The following MAGI2 variants were observed in gnomAD, a reference collection of about 807,000 sequenced individuals.
MAGI2 encodes membrane associated guanylate kinase, WW and PDZ domain containing 2.
MAGI2 carries 35 observed loss-of-function variants against 133.3 expected under a neutral mutation model. That is an observed-to-expected ratio of 0.26 (90% CI 0.20 to 0.35). MAGI2 has a LOEUF of 0.35. Among genes scored for constraint, MAGI2 ranks in the 10% least tolerant of loss-of-function variants. MAGI2 has a pLI of 1.00. For missense variants in MAGI2, 1,636 were observed against 1,863.4 expected, an observed-to-expected ratio of 0.88 and a Z score of 2.25; for synonymous variants, 729 against 710.6, an observed-to-expected ratio of 1.03 and a Z score of -0.41.
chr7:79,318,409 A>C lies in MAGI2; in HGVS notation c.301+134611T>G, dbSNP rs191067162. On this transcript the variant is annotated intron_variant, in intron 1 of 21. Coordinates refer to ENST00000354212, the MANE Select transcript of MAGI2 (RefSeq NM_012301.4). ...GAAAAGGAAAGCCATAAAAAACACA[A>C]TGTAAGTTGATTGATAGATAAATGG... is the stretch of plus-strand genomic sequence containing the variant. 4.6e-3 allele frequency among the ~76,000 whole-genome samples: 699 copies of C among 152,272 alleles called. 2 individuals carry two copies. The highest frequency in any genetic ancestry group is 0.023 in the South Asian group (113 of 4,812).
chr7:78,142,436 T>G (rs1822858034), intron 16 of MAGI2, among the ~76,000 whole-genome samples: 1 of 152,108 alleles, frequency 6.6e-6, no homozygotes, highest in Non-Finnish European at 1.5e-5. Flanking sequence ...CTTTTCTCTG[T>G]GGGTGCATTT....
At chr7:78,453,090 T>A (rs1205054081) in intron 6 of MAGI2, among the ~76,000 whole-genome samples, 1 of 152,176 alleles carries the variant, frequency 6.6e-6, no homozygotes, top group Non-Finnish European at 1.5e-5. Context: ...TGAGGTTTTA[T>A]TTTTAGTTTT....
intron 1 of MAGI2, among the ~76,000 whole-genome samples, chr7:79,424,645 A>G (rs1847215253): frequency 6.6e-6 from 1 of 152,204 alleles, no homozygotes; most frequent in South Asian, 2.1e-4. Context: ...TGTATACTTC[A>G]AAACATCATA....
At chr7:79,143,115 C>T (rs1822286328) in intron 1 of MAGI2, among the ~76,000 whole-genome samples, 1 of 151,994 alleles carries the variant, frequency 6.6e-6, no homozygotes, top group African/African-American at 2.4e-5. Flanking sequence ...TATTATAATC[C>T]AGAAAAATGT....
At chr7:79,092,906 C>G (rs962732087) in intron 1 of MAGI2, among the ~76,000 whole-genome samples, 4 of 152,078 alleles carry the variant, frequency 2.6e-5, no homozygotes, top group African/African-American at 7.2e-5. Flanking sequence ...TTTTCTGTAT[C>G]AAGTGTGACC....
intron 16 of MAGI2, among the ~76,000 whole-genome samples, chr7:78,139,814 AAAG>A (rs1431573031): frequency 1.3e-5 from 2 of 152,232 alleles, no homozygotes; most frequent in African/African-American, 4.8e-5. Flanking sequence ...ATTATGGAAA[AAAG>A]AAACCCAGCT....
chr7:78,862,734 G>C (rs73143039), intron 2 of MAGI2, among the ~76,000 whole-genome samples: 9,531 of 152,228 alleles, frequency 0.063, 365 homozygotes, highest in Middle Eastern at 0.11. Flanking sequence ...TTTAGGAAAA[G>C]ATGTTTATTT....
chr7:78,091,172 T>C (rs1817170606), intron 20 of MAGI2, among the ~76,000 whole-genome samples: 1 of 152,144 alleles, frequency 6.6e-6, no homozygotes, highest in Admixed American at 6.5e-5. Context: ...ATTATTACTC[T>C]GCACCCACTG....
chr7:78,891,539 T>G (rs1394010478), intron 2 of MAGI2, among the ~76,000 whole-genome samples: 2 of 152,152 alleles, frequency 1.3e-5, no homozygotes, highest in African/African-American at 4.8e-5. Context: ...CATGATCAAG[T>G]GGGCTTTATC....
chr7:78,842,533 C>A (rs984634529), intron 2 of MAGI2, among the ~76,000 whole-genome samples: 1 of 151,732 alleles, frequency 6.6e-6, no homozygotes, highest in East Asian at 1.9e-4. Flanking sequence ...TGCTAGTAAT[C>A]CGTTTGTTTA....
chr7:78,663,386 T>C (rs369833712), intron 2 of MAGI2, among the ~76,000 whole-genome samples: 4 of 151,998 alleles, frequency 2.6e-5, no homozygotes, highest in Non-Finnish European at 5.9e-5. Context: ...TTTGTATTTT[T>C]AGTACAGATG....
At chr7:79,287,845 C>T (rs777864743) in intron 1 of MAGI2, among the ~76,000 whole-genome samples, 1 of 151,988 alleles carries the variant, frequency 6.6e-6, no homozygotes, top group African/African-American at 2.4e-5. Context: ...CTTTATCACA[C>T]TAATATTTTC....
intron 16 of MAGI2, among the ~76,000 whole-genome samples, chr7:78,156,299 G>A (rs1824380238): frequency 6.6e-6 from 1 of 152,136 alleles, no homozygotes; most frequent in African/African-American, 2.4e-5. Context: ...CCACATGTGG[G>A]GAAGGGGACA....
At chr7:79,057,324 C>G (rs1038291617) in intron 1 of MAGI2, among the ~76,000 whole-genome samples, 1 of 152,054 alleles carries the variant, frequency 6.6e-6, no homozygotes, top group Non-Finnish European at 1.5e-5. Context: ...AAAACACTGA[C>G]CAAGGTCTCC....
At chr7:78,785,641 C>T (rs936584438) in intron 2 of MAGI2, among the ~76,000 whole-genome samples, 1 of 152,166 alleles carries the variant, frequency 6.6e-6, no homozygotes, top group Admixed American at 6.5e-5. Context: ...TATCTTTACT[C>T]CTTGCTTTTG....
intron 3 of MAGI2, among the ~76,000 whole-genome samples, chr7:78,556,367 G>A (rs775310282): frequency 2.0e-5 from 3 of 152,216 alleles, no homozygotes; most frequent in Non-Finnish European, 4.4e-5. Flanking sequence ...GGTTTGGGAA[G>A]TGTGTGAAGT....
chr7:78,196,031 G>A (rs539792450), intron 11 of MAGI2, among the ~76,000 whole-genome samples: 463 of 152,280 alleles, frequency 3.0e-3, no homozygotes, highest in Non-Finnish European at 4.4e-3. Flanking sequence ...GGGTCATGGC[G>A]GGCTCCTTTT....
chr7:78,891,350 A>C (rs1412010236), intron 2 of MAGI2, among the ~76,000 whole-genome samples: 2 of 152,350 alleles, frequency 1.3e-5, no homozygotes, highest in East Asian at 3.9e-4. Flanking sequence ...TCAATAGAAA[A>C]AGAGAGAATC....
chr7:78,171,901 G>T (rs77966688), intron 14 of MAGI2, among the ~76,000 whole-genome samples: 17,516 of 150,900 alleles, frequency 0.12, 1,319 homozygotes, highest in Non-Finnish European at 0.15. Context: ...TTGTTTGTTT[G>T]TTTTTTTTTC....
Sources: allele counts gnomAD v4.1 joint callset (sites outside exome capture counted in the v4.1 genomes callset), GRCh38; gene constraint gnomAD v4.1.1; transcripts MANE v1.5; gene names NCBI Gene and HGNC (gene_info 2026-07-23, HGNC 2026-07-21).